Variants in ZNF385D observed in about 807,000 individuals in gnomAD.
ZNF385D encodes zinc finger protein 659.
A neutral mutation model predicts 35.8 loss-of-function variants in ZNF385D; 15 were observed. The observed-to-expected ratio is 0.42, with a 90% CI of 0.28 to 0.64. The LOEUF is 0.64. Ranked by LOEUF, ZNF385D falls within the 30% of genes least tolerant of loss-of-function variation. The probability of loss-of-function intolerance (pLI) is 0.23; values close to 1 mark genes in which losing one functional copy is unlikely to be tolerated. For synonymous variants in ZNF385D, 212 were observed against 186.8 expected, an observed-to-expected ratio of 1.13 and a Z score of -1.10; for missense variants, 474 against 494.6, an observed-to-expected ratio of 0.96 and a Z score of 0.39.
At chr3:21,853,426 G>T (rs1296300009) in intron 3 of ZNF385D, among the ~76,000 whole-genome samples, 1 of 151,378 alleles carries the variant, frequency 6.6e-6, no homozygotes, top group African/African-American at 2.4e-5. Context: ...TAGCATGATG[G>T]TGATCAAGGT....
chr3:21,617,694 C>T (rs1234947862), intron 2 of ZNF385D, among the ~76,000 whole-genome samples: 1 of 152,150 alleles, frequency 6.6e-6, no homozygotes, highest in African/African-American at 2.4e-5. Context: ...ATTATATGGC[C>T]AAGGTCCTTT....
At chr3:21,475,426 C>T (rs950711310) in intron 4 of ZNF385D, among the ~76,000 whole-genome samples, 2 of 151,752 alleles carry the variant, frequency 1.3e-5, no homozygotes, top group Non-Finnish European at 2.9e-5. Context: ...ATCTAATGGC[C>T]CTTTTATTTG....
intron 3 of ZNF385D, among the ~76,000 whole-genome samples, chr3:21,813,189 C>G (rs1338334655): frequency 1.3e-5 from 2 of 152,180 alleles, no homozygotes; most frequent in African/African-American, 2.4e-5. Context: ...AAAACCCCAT[C>G]TGTAGGTCAC....
chr3:21,905,205 C>CAAAAAAAAAAAAAAAA lies in ZNF385D; in HGVS notation c.326-240193_326-240178dup, dbSNP rs63147760. On this transcript the variant is annotated intron_variant, in intron 3 of 5. Coordinates refer to the ZNF385D transcript ENST00000494108. The stretch of plus-strand genomic sequence containing the variant: ...CATGGTGGTCCAGTAACAAAAAATC[C>CAAAAAAAAAAAAAAAA]AAAAAAAAAAAAAAAAAAAAAAACC... Among the ~76,000 whole-genome samples the CAAAAAAAAAAAAAAAA allele has an allele frequency of 1.9e-4, 13 of 69,622 alleles. 1 individual carries two copies. Among genetic ancestry groups the CAAAAAAAAAAAAAAAA allele is most frequent in the East Asian group, 7.3e-4 (2 of 2,724 alleles). 45.7% of individuals were successfully genotyped at this position (69,622 alleles called of 152,430 possible). A position where few individuals can be genotyped will look rare whatever the true frequency, so the allele number is the denominator to read the frequency against.
chr3:21,964,858 T>C (rs1056482415), intron 3 of ZNF385D, among the ~76,000 whole-genome samples: 11 of 152,160 alleles, frequency 7.2e-5, no homozygotes, highest in African/African-American at 2.7e-4. Flanking sequence ...TTTCTATTCT[T>C]ATTATAAATA....
intron 3 of ZNF385D, among the ~76,000 whole-genome samples, chr3:22,077,814 TTAAG>T (rs1379043311): frequency 1.1e-4 from 16 of 151,898 alleles, no homozygotes; most frequent in African/African-American, 3.6e-4. Context: ...AAGCATCATT[TTAAG>T]TAATAGGTGT....
intron 3 of ZNF385D, among the ~76,000 whole-genome samples, chr3:22,086,591 G>A (rs970752555): frequency 1.3e-5 from 2 of 152,154 alleles, no homozygotes; most frequent in Non-Finnish European, 2.9e-5. Context: ...TCATAGATAG[G>A]AAGAATCAAT....
At chr3:21,711,797 G>T (rs1357123888) in intron 1 of ZNF385D, among the ~76,000 whole-genome samples, 1 of 152,140 alleles carries the variant, frequency 6.6e-6, no homozygotes, top group African/African-American at 2.4e-5. Context: ...AAAGAATTCT[G>T]AGATATAGTG....
intron 3 of ZNF385D, among the ~76,000 whole-genome samples, chr3:22,007,051 A>C (rs1696254213): frequency 6.6e-6 from 1 of 152,032 alleles, no homozygotes; most frequent in Admixed American, 6.6e-5. Flanking sequence ...GTTTTTCAAA[A>C]CTCTCACTTA....
At chr3:21,628,733 G>C (rs1393278332) in intron 2 of ZNF385D, among the ~76,000 whole-genome samples, 1 of 151,902 alleles carries the variant, frequency 6.6e-6, no homozygotes, top group Non-Finnish European at 1.5e-5. Flanking sequence ...AAGGGGCCAG[G>C]GAATCTGAAT....
chr3:22,181,201 G>A (rs1043351438), intron 2 of ZNF385D, among the ~76,000 whole-genome samples: 1 of 151,998 alleles, frequency 6.6e-6, no homozygotes, highest in African/African-American at 2.4e-5. Flanking sequence ...GAGAAGAGCA[G>A]ATACTAACGA....
intron 2 of ZNF385D, among the ~76,000 whole-genome samples, chr3:22,292,151 CTTTA>C (rs1702331753): frequency 1.3e-5 from 2 of 151,990 alleles, no homozygotes; most frequent in African/African-American, 4.8e-5. Flanking sequence ...TTTCTACCAC[CTTTA>C]TTATTTTCAA....
intron 2 of ZNF385D, among the ~76,000 whole-genome samples, chr3:22,231,962 C>T (rs903958053): frequency 6.6e-6 from 1 of 152,112 alleles, no homozygotes; most frequent in African/African-American, 2.4e-5. Flanking sequence ...AGACGTGCCT[C>T]CTTCCCCTTT....
chr3:22,061,782 T>C (rs1378449520), intron 3 of ZNF385D, among the ~76,000 whole-genome samples: 1 of 152,184 alleles, frequency 6.6e-6, no homozygotes, highest in Non-Finnish European at 1.5e-5. Context: ...ACACTCCACC[T>C]GCTATTACCT....
chr3:22,094,385 GATATATATATAT>G lies in ZNF385D; in HGVS notation c.325+74420_325+74431del, dbSNP rs140274686. ...CCATTGTCTTCTGTCATTTATTGTT[GATATATATATAT>G]ATATATATATATAAAGGCATTTGTG... On this transcript the variant is annotated intron_variant, in intron 3 of 5. Transcript: ENST00000494108. 2.2e-3 allele frequency among the ~76,000 whole-genome samples: 153 copies of G among 70,832 alleles called. 12 individuals are homozygous for G. Among genetic ancestry groups the G allele is most frequent in the Non-Finnish European group, 4.0e-3 (122 of 30,326 alleles). The allele number at this position is 70,832 out of a possible 152,430, so 46.5% of individuals were successfully genotyped here.
At position 22,323,982 on chromosome 3, in the gene ZNF385D, G is replaced by C. The variant is rs150668219; in HGVS notation, c.106+48468C>G. Among the ~76,000 whole-genome samples the C allele has an allele frequency of 7.2e-5, 11 of 152,086 alleles. 1 individual carries two copies. The highest frequency in any genetic ancestry group is 4.6e-4 in the Admixed American group (7 of 15,280). On this transcript the variant is annotated intron_variant, in intron 2 of 5. Coordinates refer to the ZNF385D transcript ENST00000494108. ...CAATTTATTCTAGAAATGAGCTCAT[G>C]GTCCAATATTAGGATAACCTAATTA...
intron 2 of ZNF385D, among the ~76,000 whole-genome samples, chr3:21,653,246 T>C (rs2065971254): frequency 6.6e-6 from 1 of 152,164 alleles, no homozygotes; most frequent in Admixed American, 6.5e-5. Flanking sequence ...CAGTTGTCTC[T>C]TAAGGTATAT....
intron 3 of ZNF385D, among the ~76,000 whole-genome samples, chr3:21,956,537 A>G (rs540813544): frequency 2.6e-5 from 4 of 152,144 alleles, no homozygotes; most frequent in African/African-American, 7.2e-5. Flanking sequence ...ACTTTGCATT[A>G]TACTTAGCTT....
chr3:22,355,796 A>T (rs1575185290), intron 2 of ZNF385D, among the ~76,000 whole-genome samples: 1 of 152,034 alleles, frequency 6.6e-6, no homozygotes, highest in Non-Finnish European at 1.5e-5. Flanking sequence ...GAATAATTAA[A>T]AACAGATTTT....
Sources: gnomAD v4.1 joint callset for allele counts (sites outside exome capture counted in the v4.1 genomes callset) on GRCh38, gnomAD v4.1.1 for gene constraint, MANE v1.5 for transcripts, NCBI Gene and HGNC (gene_info 2026-07-23, HGNC 2026-07-21) for gene names.